Variants in USP18 observed in about 807,000 individuals in gnomAD.
USP18 encodes the protein ubiquitin specific peptidase 18, also known as ubl carboxyl-terminal hydrolase 18.
USP18 carries 11 observed loss-of-function variants against 48.7 expected under a neutral mutation model. The ratio of observed to expected loss-of-function variants is 0.23; its 90% confidence interval spans 0.14 to 0.37. The LOEUF is 0.37. USP18 is among the 10% of genes least tolerant of loss of function. The pLI, the probability that USP18 is intolerant of heterozygous loss-of-function variation, is 1.00. For missense variants in USP18, 285 were observed against 436.4 expected (o/e 0.65, Z 3.09); for synonymous variants, 114 against 163.2 (o/e 0.70, Z 2.30).
At chr22:18,157,876 C>G in intron 2 of USP18, 56 bp downstream of exon 2, 1 of 1,604,380 alleles carries the variant, frequency 6.2e-7, no homozygotes, top group South Asian at 1.1e-5. Context: ...GTTCGGCTCA[C>G]CCCCTCCGCT....
chr22:18,174,946 C>T (rs1929742382), intron 10 of USP18, among the ~76,000 whole-genome samples: 1 of 152,124 alleles, frequency 6.6e-6, no homozygotes, highest in Non-Finnish European at 1.5e-5. Context: ...TGGAGTCTTG[C>T]TCTGTCACCC....
intron 1 of USP18, among the ~76,000 whole-genome samples, chr22:18,155,103 G>T (rs1929093359): frequency 6.6e-6 from 1 of 152,252 alleles, no homozygotes; most frequent in Non-Finnish European, 1.5e-5. Context: ...ACAGCACTGG[G>T]GCACGCCCAA....
chr22:18,175,160 A>G (rs1481800500), intron 10 of USP18, among the ~76,000 whole-genome samples: 65 of 152,026 alleles, frequency 4.3e-4, no homozygotes, highest in Non-Finnish European at 7.2e-4. Flanking sequence ...TGATCCGCCC[A>G]CCTCGGCCTC....
chr22:18,169,127 AAT>A (rs1929559790), intron 6 of USP18, among the ~76,000 whole-genome samples: 1 of 123,910 alleles, frequency 8.1e-6, no homozygotes. Context: ...CCTGCCCAAA[AAT>A]CTCCTGTTCA....
chr22:18,150,493 G>A (rs1425957638), intron 1 of USP18, among the ~76,000 whole-genome samples: 1 of 152,132 alleles, frequency 6.6e-6, no homozygotes, highest in African/African-American at 2.4e-5. Flanking sequence ...TTCAAACAAT[G>A]CAGACAAATG....
At chr22:18,167,201 G>A in intron 4 of USP18, 54 bp from the exon 5 acceptor site, 2 of 1,603,550 alleles carry the variant, frequency 1.2e-6, no homozygotes, top group Admixed American at 3.4e-5. Flanking sequence ...ACCAGGGCAT[G>A]AGAAGCGACT....
intron 6 of USP18, among the ~76,000 whole-genome samples, chr22:18,169,634 G>A (rs1172084327): frequency 6.6e-6 from 1 of 152,092 alleles, no homozygotes; most frequent in Non-Finnish European, 1.5e-5. Flanking sequence ...TTGGCCTTCC[G>A]CCATGATTGG....
chr22:18,163,243 C>T (rs1467582581), intron 4 of USP18, among the ~76,000 whole-genome samples: 2 of 151,922 alleles, frequency 1.3e-5, no homozygotes, highest in Non-Finnish European at 2.9e-5. Flanking sequence ...TTCATTTCAC[C>T]AGGGGCATTT....
chr22:18,156,731 G>A (rs1007651684), intron 1 of USP18, among the ~76,000 whole-genome samples: 8 of 152,158 alleles, frequency 5.3e-5, no homozygotes, highest in Non-Finnish European at 1.0e-4. Context: ...CCCACCAGAA[G>A]GAAGAAACTC....
chr22:18,155,713 C>T (rs1929113749), intron 1 of USP18, among the ~76,000 whole-genome samples: 1 of 152,252 alleles, frequency 6.6e-6, no homozygotes, highest in Non-Finnish European at 1.5e-5. Flanking sequence ...GCCTTAGCTG[C>T]CTCCTGGCAG....
chr22:18,163,811 C>G (rs189126743), intron 4 of USP18, among the ~76,000 whole-genome samples: 3 of 152,204 alleles, frequency 2.0e-5, no homozygotes, highest in Admixed American at 2.0e-4. Context: ...TGTTAGCGGC[C>G]CTCAGGAGAT....
At chr22:18,166,892 T>C (rs1432921651) in intron 4 of USP18, among the ~76,000 whole-genome samples, 2 of 151,158 alleles carry the variant, frequency 1.3e-5, no homozygotes, top group African/African-American at 2.4e-5. Flanking sequence ...CGTGCACCGC[T>C]ACTCTCAAGT....
chr22:18,154,522 G>C (rs1374195028), intron 1 of USP18, among the ~76,000 whole-genome samples: 1 of 152,116 alleles, frequency 6.6e-6, no homozygotes. Context: ...TCATAGTTCA[G>C]TGCAGCCTCA....
intron 1 of USP18, among the ~76,000 whole-genome samples, chr22:18,156,677 C>T (rs1297075878): frequency 6.6e-6 from 1 of 152,182 alleles, no homozygotes; most frequent in African/African-American, 2.4e-5. Flanking sequence ...TAACACTCAC[C>T]GCGAAGGTCT....
intron 4 of USP18, among the ~76,000 whole-genome samples, chr22:18,163,592 G>A (rs1287229716): frequency 7.9e-5 from 12 of 151,312 alleles, no homozygotes; most frequent in African/African-American, 1.7e-4. Flanking sequence ...GCAGTGAGCC[G>A]AGATTGCGCC....
intron 4 of USP18, among the ~76,000 whole-genome samples, chr22:18,163,434 G>A (rs1427474127): frequency 6.6e-6 from 1 of 152,010 alleles, no homozygotes; most frequent in Non-Finnish European, 1.5e-5. Flanking sequence ...ATGAGGTCAG[G>A]CGATGGAGAC....
intron 2 of USP18, among the ~76,000 whole-genome samples, chr22:18,159,705 T>G (rs1929271253): frequency 8.1e-6 from 1 of 123,906 alleles, no homozygotes; most frequent in Non-Finnish European, 1.7e-5. Flanking sequence ...AGATGGAGTC[T>G]CGCTCTGTTG....
chr22:18,155,771 C>A (rs1290012865), intron 1 of USP18, among the ~76,000 whole-genome samples: 2 of 152,234 alleles, frequency 1.3e-5, no homozygotes, highest in Non-Finnish European at 2.9e-5. Context: ...CTCCCCACCC[C>A]GCAGCCATGG....
intron 4 of USP18, among the ~76,000 whole-genome samples, chr22:18,163,206 A>G (rs1170436004): frequency 6.6e-6 from 1 of 151,678 alleles, no homozygotes; most frequent in African/African-American, 2.4e-5. Context: ...CATTATTCTG[A>G]ATTGTCTGTA....
Sources: allele counts gnomAD v4.1 joint callset (sites outside exome capture counted in the v4.1 genomes callset), GRCh38; gene constraint gnomAD v4.1.1; transcripts MANE v1.5; gene names NCBI Gene and HGNC (gene_info 2026-07-23, HGNC 2026-07-21).